Variants in NUP98 observed in about 807,000 individuals in gnomAD.
NUP98 encodes the protein nuclear pore complex protein Nup98-Nup96.
In NUP98, 26 loss-of-function variants were observed where a neutral mutation model predicts 191.9. The ratio of observed to expected loss-of-function variants is 0.14; its 90% confidence interval spans 0.10 to 0.19. The LOEUF is 0.19. Ranked by LOEUF, NUP98 falls within the 10% of genes least tolerant of loss-of-function variation. NUP98 has a pLI of 1.00. For missense variants in NUP98, 1,941 were observed against 2,178.8 expected, an observed-to-expected ratio of 0.89 and a Z score of 2.17; for synonymous variants, 808 against 778.4, an observed-to-expected ratio of 1.04 and a Z score of -0.63.
chr11:3,708,493 C>T (rs920833997), intron 20 of NUP98, among the ~76,000 whole-genome samples: 29 of 152,212 alleles, frequency 1.9e-4, no homozygotes, highest in African/African-American at 7.0e-4. Flanking sequence ...TTATTCTATT[C>T]ACACAAACAG....
intron 1 of NUP98, among the ~76,000 whole-genome samples, chr11:3,795,694 A>G (rs912873181): frequency 1.3e-5 from 2 of 152,228 alleles, no homozygotes; most frequent in African/African-American, 4.8e-5. Context: ...AGCTAAAATA[A>G]AAATGATATG....
At position 3,695,502 on chromosome 11, in the gene NUP98, A is replaced by G; in HGVS notation, c.4114T>C (p.Ser1372Pro). Residue 1372 changes from serine to proline, a missense_variant, in exon 26 of 33, where the codon TCC becomes CCC. Coordinates refer to ENST00000324932, the MANE Select transcript of NUP98 (RefSeq NM_016320.5). ...CGCAGTCTCTCATCCTGGATGAAGG[A>G]GTCTGCTTGGAGCTGATGCCAGTCC... ...LVDWHQLQADSFIQDERLRIF... is the reference protein window; with the variant it reads ...LVDWHQLQADPFIQDERLRIF... The G allele has an allele frequency of 6.2e-7, 1 of 1,610,254 alleles. No homozygotes were observed. Among genetic ancestry groups the G allele is most frequent in the African/African-American group, 1.3e-5 (1 of 74,858 alleles).
In NUP98 at chr11:3,797,435, C is replaced by T. The variant is rs1282675020; in HGVS notation, c.-64G>A. Reference sequence around the variant, plus strand: ...TGGGGAAGGGGAAGTGTCAGGAGTCCCCTGCTGCCACCCGCCGCTCACAGA... The same window carrying T: ...TGGGGAAGGGGAAGTGTCAGGAGTCTCCTGCTGCCACCCGCCGCTCACAGA... On this transcript the variant is annotated 5_prime_UTR_variant, in exon 1 of 33. Coordinates refer to ENST00000324932, the MANE Select transcript of NUP98 (RefSeq NM_016320.5). 1.4e-5 allele frequency: 6 copies of T among 413,910 alleles called. No individual in the cohort carries two copies. Among genetic ancestry groups the T allele is most frequent in the Non-Finnish European group, 2.6e-5 (6 of 235,110 alleles). The allele number at this position is 413,910 out of a possible 1,614,324, so 25.6% of individuals were successfully genotyped here. A position where few individuals can be genotyped will look rare whatever the true frequency, so the allele number is the denominator to read the frequency against.
rs74832358 is a variant in NUP98 at position 3,677,844 on chromosome 11, G to A, written c.5074-1224C>T. Among the ~76,000 whole-genome samples the A allele has an allele frequency of 8.5e-3, 1,291 of 152,284 alleles. 8 individuals are homozygous for A. The highest frequency in any genetic ancestry group is 0.027 in the African/African-American group (1,105 of 41,544). ...AAACATTGAATTATGTCTATTATGT[G>A]CCAGGCACTGTACTAGGAGTTGGAA... On this transcript the variant is annotated intron_variant, in intron 31 of 32. Transcript: ENST00000324932.
At chr11:3,708,724 T>TAA (rs201767459) in intron 20 of NUP98, among the ~76,000 whole-genome samples, 99 of 123,832 alleles carry the variant, frequency 8.0e-4, no homozygotes, top group African/African-American at 2.5e-3. Flanking sequence ...AAGGTGTACT[T>TAA]AAAAAAAAAA....
Position 3,699,103 on chromosome 11 carries a change from A to T in NUP98, c.3988T>A (p.Cys1330Ser). The T allele has an allele frequency of 1.2e-6, 2 of 1,612,864 alleles. No homozygotes were observed. Among genetic ancestry groups the T allele is most frequent in the Non-Finnish European group, 1.7e-6 (2 of 1,180,020 alleles). Residue 1330 changes from cysteine to serine, a missense_variant, in exon 25 of 33, where the codon TGC (cysteine) becomes AGC (serine). By Grantham distance (112) the Cys-to-Ser change is moderately radical. Around this residue, in one of 6 missense-constraint regions of NUP98, gnomAD observed 1,030 missense variants for 1,115.8 expected, o/e 0.92. Coordinates refer to ENST00000324932, the MANE Select transcript of NUP98 (RefSeq NM_016320.5). Reference sequence around the variant, plus strand: ...CCACCTGACTGCTGGGCCAGAGAGCAGGCCTCACTGATCCTTTTGCCTGTG... The same window carrying T: ...CCACCTGACTGCTGGGCCAGAGAGCTGGCCTCACTGATCCTTTTGCCTGTG... ...YLTGKRISEA[C>S]SLAQQSGDHR... is the part of the protein sequence containing the mutation.
intron 26 of NUP98, 102 bp downstream of exon 26, chr11:3,695,347 A>T (rs1402353313): frequency 9.4e-7 from 1 of 1,060,824 alleles, no homozygotes; most frequent in Non-Finnish European, 1.3e-6. Context: ...CATTTTGTGT[A>T]ACTGTGCACA....
At chr11:3,774,170 C>T (rs1174829180) in intron 5 of NUP98, among the ~76,000 whole-genome samples, 1 of 151,882 alleles carries the variant, frequency 6.6e-6, no homozygotes, top group East Asian at 1.9e-4. Context: ...GAGGCCGAGG[C>T]GGGTGGATCA....
chr11:3,750,352 T>A (rs1694036818), intron 11 of NUP98, among the ~76,000 whole-genome samples: 1 of 152,032 alleles, frequency 6.6e-6, no homozygotes, highest in South Asian at 2.1e-4. Flanking sequence ...CACCTCAGCC[T>A]CCCAAAGACC....
chr11:3,701,413 C>A (rs1362309153), intron 23 of NUP98, among the ~76,000 whole-genome samples: 1 of 151,844 alleles, frequency 6.6e-6, no homozygotes, highest in Non-Finnish European at 1.5e-5. Context: ...AAACATGCAC[C>A]ACCACCCTGG....
At chr11:3,722,393 C>T (rs979590842) in intron 16 of NUP98, among the ~76,000 whole-genome samples, 1 of 151,972 alleles carries the variant, frequency 6.6e-6, no homozygotes, top group African/African-American at 2.4e-5. Context: ...TGAGCCACCA[C>T]ACCCAGGCTA....
intron 11 of NUP98, among the ~76,000 whole-genome samples, chr11:3,748,982 T>C (rs1027538106): frequency 6.8e-6 from 1 of 148,026 alleles, no homozygotes; most frequent in Admixed American, 6.7e-5. Flanking sequence ...CCAAAAAGAG[T>C]TAATATCCAC....
In NUP98 at chr11:3,700,616, C is replaced by T. The variant is rs909315361; in HGVS notation, c.3736G>A (p.Ala1246Thr). 1.2e-6 allele frequency: 2 copies of T among 1,609,246 alleles called. No individual in the cohort carries two copies. Among genetic ancestry groups the T allele is most frequent in the South Asian group, 1.1e-5 (1 of 90,854 alleles). ...AAACATAGTGTGTACTCACTTTGTG[C>T]TTCTGGTAAGTCTCCTGATGCTTCT... ...VKEASGDLPE[A>T]QIVKHWSLTW... The change falls in exon 24 of 33, where the codon GCA becomes ACA. Residue 1246 changes from alanine (A) to threonine (T), a missense_variant. Coordinates refer to ENST00000324932, the MANE Select transcript of NUP98 (RefSeq NM_016320.5).
In NUP98 at chr11:3,773,388, C is replaced by CA. The variant is rs112070730; in HGVS notation, c.603+243dup. On this transcript the variant is annotated intron_variant, in intron 6 of 32. Transcript: ENST00000324932. ...CCAGCCTGGGCAAAAAAGCCCATCT[C>CA]AAAAAAAAAAAAAGACCATTAGGGG... is the stretch of plus-strand genomic sequence containing the variant. Among the ~76,000 whole-genome samples, 200 of 130,820 alleles carry CA rather than the reference C, an allele frequency of 1.5e-3. 2 individuals carry two copies. The South Asian group carries it at 0.021, about 14-fold the overall frequency. The allele number at this position is 130,820 out of a possible 152,430, so 85.8% of individuals were successfully genotyped here. A position where few individuals can be genotyped will look rare whatever the true frequency, so the allele number is the denominator to read the frequency against.
At chr11:3,708,875 T>G (rs2078945324) in intron 20 of NUP98, among the ~76,000 whole-genome samples, 1 of 152,182 alleles carries the variant, frequency 6.6e-6, no homozygotes, top group Admixed American at 6.5e-5. Flanking sequence ...TATAATCTCT[T>G]GAAGGCAGCA....
chr11:3,726,526 A>T (rs1004130919), intron 14 of NUP98, among the ~76,000 whole-genome samples: 1 of 133,708 alleles, frequency 7.5e-6, no homozygotes, highest in African/African-American at 3.0e-5. Context: ...CACTGACATT[A>T]AAAAAAAAAA....
chr11:3,700,372 C>T (rs753142572), intron 24 of NUP98, among the ~76,000 whole-genome samples: 19 of 151,512 alleles, frequency 1.3e-4, no homozygotes, highest in Non-Finnish European at 1.3e-4. Flanking sequence ...AAGGATTTGA[C>T]TTGCTACAGT....
At chr11:3,697,870 G>C (rs541052225) in intron 25 of NUP98, among the ~76,000 whole-genome samples, 1 of 141,914 alleles carries the variant, frequency 7.0e-6, no homozygotes, top group Admixed American at 7.0e-5. Context: ...CAGTCATTAA[G>C]TACTTGCTGA....
intron 11 of NUP98, among the ~76,000 whole-genome samples, chr11:3,746,294 A>AGAAAG (rs2080497933): frequency 2.1e-5 from 2 of 93,086 alleles, no homozygotes; most frequent in Non-Finnish European, 2.0e-5. Flanking sequence ...AAAAAAAAAA[A>AGAAAG]GACAGCTTTG....
Sources: gnomAD v4.1 joint callset for allele counts (sites outside exome capture counted in the v4.1 genomes callset) on GRCh38, gnomAD v4.1.1 for gene constraint, gnomAD v4.1.1 regional missense constraint, MANE v1.5 for transcripts, NCBI Gene and HGNC (gene_info 2026-07-23, HGNC 2026-07-21) for gene names.